KCNT2: variants seen among roughly 807,000 people sequenced by gnomAD.
The protein encoded by KCNT2 is potassium sodium-activated channel subfamily T member 2.
A neutral mutation model predicts 153.8 loss-of-function variants in KCNT2; 67 were observed. The observed-to-expected ratio is 0.44, with a 90% confidence interval of 0.36 to 0.53. KCNT2 has a LOEUF of 0.53. KCNT2 is among the 20% of genes least tolerant of loss of function. The pLI, the probability that KCNT2 is intolerant of heterozygous loss-of-function variation, is 0.00. For missense variants in KCNT2, 975 were observed against 1,354.8 expected (o/e 0.72, Z 4.40); for synonymous variants, 500 against 458.8 (o/e 1.09, Z -1.15).
intron 22 of KCNT2, among the ~76,000 whole-genome samples, chr1:196,291,345 GA>G (rs1334876429): frequency 2.0e-5 from 3 of 151,006 alleles, no homozygotes; most frequent in Non-Finnish European, 3.0e-5. Context: ...TTACAGAGAG[GA>G]AAAAAAGATT....
Position 196,296,134 on chromosome 1 carries a change from C to A in KCNT2, c.2595+9100G>T, listed in dbSNP as rs1020955361. Among the ~76,000 whole-genome samples the A allele has an allele frequency of 1.2e-3, 183 of 151,884 alleles. 1 individual carries two copies. Among genetic ancestry groups the A allele is most frequent in the African/African-American group, 4.2e-3 (176 of 41,480 alleles). On this transcript the variant is annotated intron_variant, in intron 22 of 27. Transcript: ENST00000294725. ...CACTTTCAAAATAAAGAATGAAATT[C>A]TATATAAATATACTATTATCTGTTT...
At chr1:196,262,296 T>C (rs556114287) in intron 25 of KCNT2, among the ~76,000 whole-genome samples, 1 of 151,972 alleles carries the variant, frequency 6.6e-6, no homozygotes, top group Non-Finnish European at 1.5e-5. Context: ...AACAATGTAG[T>C]ATTTTAAATA....
At chr1:196,294,653 G>C (rs1347193363) in intron 22 of KCNT2, among the ~76,000 whole-genome samples, 1 of 151,870 alleles carries the variant, frequency 6.6e-6, no homozygotes, top group Non-Finnish European at 1.5e-5. Context: ...CTCACTTCTG[G>C]GTATATATTC....
chr1:196,292,558 G>C (rs947440744), intron 22 of KCNT2, among the ~76,000 whole-genome samples: 2 of 152,172 alleles, frequency 1.3e-5, no homozygotes, highest in Admixed American at 1.3e-4. Context: ...TGTAATCCCA[G>C]CACTTTGGGA....
Position 196,410,391 on chromosome 1 carries a change from G to A in KCNT2, c.1186-11720C>T, listed in dbSNP as rs151216467. On this transcript the variant is annotated intron_variant, in intron 12 of 27. Coordinates refer to ENST00000294725, the MANE Select transcript of KCNT2 (RefSeq NM_198503.5). ...ATGAGAACACATGGACACAGGAAGGGGAACATCACACACTGGGGCCTGTTG... is the reference window on the plus strand; with the variant it reads ...ATGAGAACACATGGACACAGGAAGGAGAACATCACACACTGGGGCCTGTTG... 6.9e-3 allele frequency among the ~76,000 whole-genome samples: 1,036 copies of A among 151,160 alleles called. 29 individuals are homozygous for A. The highest frequency in any genetic ancestry group is 0.064 in the South Asian group (304 of 4,784).
At chr1:196,357,132 T>C (rs2148250287) in intron 14 of KCNT2, among the ~76,000 whole-genome samples, 1 of 152,026 alleles carries the variant, frequency 6.6e-6, no homozygotes, top group Middle Eastern at 3.4e-3. Context: ...TCGTTGAAGT[T>C]GTAAATATTG....
In KCNT2 at chr1:196,331,203, G is replaced by A; in HGVS notation, c.2056C>T (p.His686Tyr). The A allele has an allele frequency of 1.2e-6, 2 of 1,609,894 alleles. No individual in the cohort carries two copies. The highest frequency in any genetic ancestry group is 8.5e-7 in the Non-Finnish European group (1 of 1,176,576). The change falls in exon 18 of 28, where the codon CAT becomes TAT. Residue 686 changes from histidine (H) to tyrosine (Y), a missense_variant. By Grantham distance (83) the His-to-Tyr change is moderately conservative. Coordinates refer to ENST00000294725, the MANE Select transcript of KCNT2 (RefSeq NM_198503.5). ...PYIGSSPTFC[H>Y]LLHEKVPFCC... ...AATGGTACTTTTTCATGAAGGAGAT[G>A]ACAAAAAGTGGGTGAACTTCCTATA... is the stretch of plus-strand genomic sequence containing the variant.
intron 1 of KCNT2, among the ~76,000 whole-genome samples, chr1:196,571,631 C>T (rs575156730): frequency 6.6e-6 from 1 of 152,182 alleles, no homozygotes; most frequent in South Asian, 2.1e-4. Flanking sequence ...TTGTGATCAA[C>T]AGATCAATCA....
chr1:196,429,901 G>C, intron 8 of KCNT2, 144 bp from the exon 9 acceptor site: 1 of 590,946 alleles, frequency 1.7e-6, no homozygotes. Flanking sequence ...TTCTAGGAAA[G>C]ATATAATTAG....
At chr1:196,539,504 A>G (rs1335903678) in intron 1 of KCNT2, among the ~76,000 whole-genome samples, 2 of 152,196 alleles carry the variant, frequency 1.3e-5, no homozygotes, top group African/African-American at 2.4e-5. Flanking sequence ...AATGTTTTTA[A>G]CAATGATAAT....
intron 1 of KCNT2, among the ~76,000 whole-genome samples, chr1:196,525,750 G>A (rs778804601): frequency 6.6e-6 from 1 of 152,234 alleles, no homozygotes; most frequent in Non-Finnish European, 1.5e-5. Context: ...ACTGTTTACA[G>A]CCATGTTGGC....
intron 8 of KCNT2, among the ~76,000 whole-genome samples, chr1:196,448,494 T>C (rs1675883272): frequency 6.6e-6 from 1 of 151,608 alleles, no homozygotes; most frequent in African/African-American, 2.4e-5. Context: ...GTATTTACTC[T>C]CTCTAATGAG....
rs575043423 is a variant in KCNT2, at chr1:196,399,770, C to T, written c.1186-1099G>A. Among the ~76,000 whole-genome samples, 8 of 151,840 alleles carry T rather than the reference C, an allele frequency of 5.3e-5. 1 individual carries two copies. The South Asian group carries it at 6.2e-4, about 12-fold the overall frequency. On this transcript the variant is annotated intron_variant, in intron 12 of 27. Transcript: ENST00000294725. ...AGATGAGGCCTCTGGTAGGCCTCAT[C>T]GTGAGGGCAGTCATCATGAATGGGA...
chr1:196,582,887 T>C (rs946297800), intron 1 of KCNT2, among the ~76,000 whole-genome samples: 3 of 151,912 alleles, frequency 2.0e-5, no homozygotes, highest in African/African-American at 7.2e-5. Flanking sequence ...TTATAAAATA[T>C]AATTATACAG....
intron 1 of KCNT2, among the ~76,000 whole-genome samples, chr1:196,548,343 T>C (rs957596959): frequency 1.3e-5 from 2 of 151,594 alleles, no homozygotes; most frequent in Non-Finnish European, 2.9e-5. Context: ...AAAAAGTGGG[T>C]GAAGGACATG....
intron 13 of KCNT2, among the ~76,000 whole-genome samples, chr1:196,393,739 C>A (rs879311552): frequency 6.6e-6 from 1 of 151,340 alleles, no homozygotes; most frequent in African/African-American, 2.4e-5. Context: ...GCCCTTTAAT[C>A]GTGGTTTGCA....
intron 8 of KCNT2, among the ~76,000 whole-genome samples, chr1:196,462,768 T>C (rs1249585695): frequency 6.6e-6 from 1 of 151,808 alleles, no homozygotes; most frequent in East Asian, 1.9e-4. Flanking sequence ...AGGATAACCC[T>C]AGGTTTTAAA....
chr1:196,456,268 CT>C (rs200716891), intron 8 of KCNT2, among the ~76,000 whole-genome samples: 21 of 150,754 alleles, frequency 1.4e-4, no homozygotes, highest in Middle Eastern at 3.4e-3. Context: ...TAGGGCACTC[CT>C]TTTTTTTTAA....
In KCNT2 at chr1:196,283,439, CAACA is replaced by C. The variant is rs1161483567; in HGVS notation, c.2698-1087_2698-1084del. On this transcript the variant is annotated intron_variant, in intron 23 of 27. Transcript: ENST00000294725. ...AACAGAGCAAGACTCCATCTCAAAA[CAACA>C]AACAAACAAAAAATAAATAAAATGA... Among the ~76,000 whole-genome samples the C allele has an allele frequency of 4.0e-5, 6 of 151,674 alleles. No homozygotes were observed. The East Asian group carries it at 9.8e-4, about 25-fold the overall frequency.
Sources: allele counts gnomAD v4.1 joint callset (sites outside exome capture counted in the v4.1 genomes callset), GRCh38; gene constraint gnomAD v4.1.1; transcripts MANE v1.5; gene names NCBI Gene and HGNC (gene_info 2026-07-23, HGNC 2026-07-21).